SOX5: variants seen among roughly 807,000 people sequenced by gnomAD.
SOX5 encodes transcription factor SOX-5.
In SOX5, 9 loss-of-function variants were observed where a neutral mutation model predicts 92.0. That is an observed-to-expected ratio of 0.10 (90% confidence interval 0.06 to 0.17). The LOEUF (loss-of-function observed/expected upper bound fraction) is 0.17, where lower values mean the gene tolerates loss of function less well. SOX5 is among the 10% of genes least tolerant of loss of function. The probability of loss-of-function intolerance (pLI) is 1.00; values close to 1 mark genes in which losing one functional copy is unlikely to be tolerated. For missense variants in SOX5, 642 were observed against 944.5 expected (o/e 0.68, Z 4.20); for synonymous variants, 344 against 336.3 (o/e 1.02, Z -0.25).
At chr12:23,754,126 G>A (rs1255751603) in intron 4 of SOX5, among the ~76,000 whole-genome samples, 1 of 151,824 alleles carries the variant, frequency 6.6e-6, no homozygotes, top group Non-Finnish European at 1.5e-5. Flanking sequence ...CCCAAGGCAA[G>A]CCTGAAAGGG....
At chr12:24,223,687 T>A (rs910098733) in intron 3 of SOX5, among the ~76,000 whole-genome samples, 8 of 152,106 alleles carry the variant, frequency 5.3e-5, no homozygotes, top group African/African-American at 1.9e-4. Flanking sequence ...CCCAGAAGGT[T>A]GAGGCTGCAG....
Position 23,905,555 on chromosome 12 carries a change from A to T in SOX5, c.39-9531T>A, listed in dbSNP as rs566497799. On this transcript the variant is annotated intron_variant, in intron 1 of 14. Coordinates refer to ENST00000451604, the MANE Select transcript of SOX5 (RefSeq NM_006940.6). ...ATTAATCCATACTTACTATGTGCCTAAAGCAACAGTAGTCCTGATAAATAA... is the reference window on the plus strand; with the variant it reads ...ATTAATCCATACTTACTATGTGCCTTAAGCAACAGTAGTCCTGATAAATAA... 6.6e-5 allele frequency among the ~76,000 whole-genome samples: 10 copies of T among 152,322 alleles called. No individual in the cohort carries two copies. In the South Asian group the frequency reaches 1.9e-3, roughly 28 times the overall value.
At chr12:24,044,838 A>G (rs199850084) in intron 4 of SOX5, among the ~76,000 whole-genome samples, 1 of 152,242 alleles carries the variant, frequency 6.6e-6, no homozygotes, top group Non-Finnish European at 1.5e-5. Context: ...TAAAGCAACA[A>G]ATGAGTGAAT....
intron 3 of SOX5, among the ~76,000 whole-genome samples, chr12:23,795,222 G>A (rs2095541432): frequency 6.6e-6 from 1 of 151,692 alleles, no homozygotes; most frequent in Admixed American, 6.6e-5. Flanking sequence ...AATAAGAGTA[G>A]TGCATTTTTA....
chr12:24,188,829 G>A lies in SOX5; in HGVS notation c.-2+24514C>T, dbSNP rs73281071. Among the ~76,000 whole-genome samples the A allele has an allele frequency of 7.0e-3, 1,062 of 152,220 alleles. 18 individuals are homozygous for A. The highest frequency in any genetic ancestry group is 0.025 in the African/African-American group (1,022 of 41,532). On this transcript the variant is annotated intron_variant, in intron 4 of 4. Coordinates refer to the SOX5 transcript ENST00000446891. ...AATTACAGTTAAGAACAGGCTGGGG[G>A]CAGGAAAATCAGGTGAAATGTAACG...
chr12:23,953,447 G>A (rs1251165235), upstream of SOX5, among the ~76,000 whole-genome samples: 1 of 151,908 alleles, frequency 6.6e-6, no homozygotes, highest in Non-Finnish European at 1.5e-5. Flanking sequence ...AACTAATACC[G>A]CAATGTGATG....
intron 2 of SOX5, among the ~76,000 whole-genome samples, chr12:24,282,531 C>CA (rs5797074): frequency 1.2e-4 from 17 of 146,428 alleles, no homozygotes; most frequent in African/African-American, 4.2e-4. Context: ...AAACTAGAAA[C>CA]AAAAAAAAAA....
rs189082388 is a variant in SOX5, at chr12:24,513,835, G to A, written c.-251+48494C>T. On this transcript the variant is annotated intron_variant, in intron 1 of 4. Transcript: ENST00000446891. Reference sequence around the variant, plus strand: ...AGGATAGGAAACCTTAGAGATTTTCGAACACAATGCTTTTCCTAATATAAA... The same window carrying A: ...AGGATAGGAAACCTTAGAGATTTTCAAACACAATGCTTTTCCTAATATAAA... Among the ~76,000 whole-genome samples, 134 of 152,246 alleles carry A rather than the reference G, an allele frequency of 8.8e-4. 1 individual carries two copies. Among genetic ancestry groups the A allele is most frequent in the African/African-American group, 3.1e-3 (127 of 41,544 alleles).
intron 6 of SOX5, among the ~76,000 whole-genome samples, chr12:23,719,195 T>A (rs1435600007): frequency 7.2e-5 from 11 of 152,198 alleles, no homozygotes; most frequent in African/African-American, 2.4e-4. Flanking sequence ...AATAAAATTA[T>A]CGGATACCAT....
At chr12:23,710,247 T>A (rs535132274) in intron 6 of SOX5, among the ~76,000 whole-genome samples, 29 of 152,156 alleles carry the variant, frequency 1.9e-4, no homozygotes, top group South Asian at 6.2e-4. Flanking sequence ...TGATATATAT[T>A]TTTTTTATTA....
chr12:24,435,348 C>T (rs1487836154), intron 1 of SOX5, among the ~76,000 whole-genome samples: 1 of 152,218 alleles, frequency 6.6e-6, no homozygotes, highest in Non-Finnish European at 1.5e-5. Context: ...CACTTCTGCA[C>T]TTCCTAGTAC....
At chr12:24,212,901 C>T (rs964171704) in intron 4 of SOX5, among the ~76,000 whole-genome samples, 1 of 152,164 alleles carries the variant, frequency 6.6e-6, no homozygotes, top group African/African-American at 2.4e-5. Flanking sequence ...TGGACACCAG[C>T]ACAGAGTACA....
chr12:23,577,735 A>G (rs1949390994), intron 9 of SOX5, among the ~76,000 whole-genome samples: 1 of 152,134 alleles, frequency 6.6e-6, no homozygotes, highest in Non-Finnish European at 1.5e-5. Context: ...TACCAAATCT[A>G]TATTGATTCA....
At position 24,068,745 on chromosome 12, in the gene SOX5, TATACAC is replaced by T. The variant is rs1228664312; in HGVS notation, c.-2+144592_-2+144597del. The stretch of plus-strand genomic sequence containing the variant: ...ATATATATATATATATATATATATA[TATACAC>T]ACACACACATTAGTTCCTAGTTTAT... On this transcript the variant is annotated intron_variant, in intron 4 of 4. Transcript: ENST00000446891. Among the ~76,000 whole-genome samples, 376 of 76,824 alleles carry T rather than the reference TATACAC, an allele frequency of 4.9e-3. 3 individuals carry two copies. The highest frequency in any genetic ancestry group is 0.018 in the African/African-American group (356 of 19,674). 50.4% of individuals were successfully genotyped at this position (76,824 alleles called of 152,430 possible).
chr12:24,134,843 A>G (rs1164601590), intron 4 of SOX5, among the ~76,000 whole-genome samples: 1 of 152,200 alleles, frequency 6.6e-6, no homozygotes, highest in Admixed American at 6.5e-5. Context: ...TATTCTCCCA[A>G]CCGTTCATAA....
intron 4 of SOX5, among the ~76,000 whole-genome samples, chr12:24,078,180 T>C (rs925592026): frequency 2.6e-5 from 4 of 152,076 alleles, no homozygotes; most frequent in Non-Finnish European, 5.9e-5. Context: ...TAAATAGATA[T>C]GCTGTGTTTG....
intron 4 of SOX5, among the ~76,000 whole-genome samples, chr12:24,108,828 A>G (rs1468319718): frequency 6.6e-6 from 1 of 152,134 alleles, no homozygotes; most frequent in African/African-American, 2.4e-5. Context: ...AGTTCCATAA[A>G]CCATCAACTT....
chr12:24,108,275 T>A (rs1237624934), intron 4 of SOX5, among the ~76,000 whole-genome samples: 1 of 152,172 alleles, frequency 6.6e-6, no homozygotes, highest in Non-Finnish European at 1.5e-5. Context: ...ACATAAATTA[T>A]TGTTTGTGGA....
intron 7 of SOX5, among the ~76,000 whole-genome samples, chr12:23,641,351 G>A (rs1309910515): frequency 2.6e-5 from 4 of 151,964 alleles, no homozygotes; most frequent in Non-Finnish European, 4.4e-5. Context: ...GCTATGTTAC[G>A]GTCTTGATTC....
Sources: gnomAD v4.1 joint callset for allele counts (sites outside exome capture counted in the v4.1 genomes callset) on GRCh38, gnomAD v4.1.1 for gene constraint, MANE v1.5 for transcripts, NCBI Gene and HGNC (gene_info 2026-07-23, HGNC 2026-07-21) for gene names.